The following LRCH2 variants were observed in gnomAD, a reference collection of about 807,000 sequenced individuals.
LRCH2 encodes the protein leucine rich repeats and calponin homology domain containing 2.
A neutral mutation model predicts 68.9 loss-of-function variants in LRCH2; 38 were observed. That is an observed-to-expected ratio of 0.55 (90% CI 0.43 to 0.72). The LOEUF (loss-of-function observed/expected upper bound fraction) is 0.72, where lower values mean the gene tolerates loss of function less well. Among genes scored for constraint, LRCH2 ranks in the 30% least tolerant of loss-of-function variants. LRCH2 has a pLI of 0.00. For synonymous variants in LRCH2, 191 were observed against 208.1 expected (o/e 0.92, Z 0.71); for missense variants, 528 against 572.9 (o/e 0.92, Z 0.80).
chrX:115,190,045 C>G, intron 1 of LRCH2: 1 of 1,157,760 alleles, frequency 8.6e-7, no homozygotes, highest in African/African-American at 1.8e-5. Context: ...CTGGGCCGGC[C>G]CACCCCACAA....
intron 14 of LRCH2, among the ~76,000 whole-genome samples, chrX:115,144,565 CA>C (rs59018534): frequency 1.4e-3 from 134 of 95,895 alleles, no homozygotes; most frequent in Admixed American, 1.8e-3. Context: ...TAGACTCCAC[CA>C]AAAAAAAAAA....
chrX:115,134,385 G>C (rs1486892894), intron 14 of LRCH2, among the ~76,000 whole-genome samples: 1 of 112,618 alleles, frequency 8.9e-6, no homozygotes, highest in Non-Finnish European at 1.9e-5. Flanking sequence ...AATTTTCTAT[G>C]TAGACAAAAT....
intron 14 of LRCH2, among the ~76,000 whole-genome samples, chrX:115,136,943 A>G (rs782474745): frequency 7.8e-4 from 87 of 112,105 alleles, no homozygotes; most frequent in Non-Finnish European, 1.5e-3. Context: ...ATAATTGTAC[A>G]TATTTATCAG....
chrX:115,209,957 T>C (rs1443102113), intron 1 of LRCH2, among the ~76,000 whole-genome samples: 1 of 111,415 alleles, frequency 9.0e-6, no homozygotes, highest in Non-Finnish European at 1.9e-5. Flanking sequence ...TTAGAGTATC[T>C]GGTGGAAGAA....
intron 1 of LRCH2, among the ~76,000 whole-genome samples, chrX:115,197,803 T>C (rs1556564081): frequency 1.3e-5 from 1 of 79,034 alleles, no homozygotes; most frequent in African/African-American, 4.7e-5. Context: ...CACTCCAGCC[T>C]GGGCAACAGA....
At chrX:115,141,624 G>A (rs1256404129) in intron 14 of LRCH2, among the ~76,000 whole-genome samples, 3 of 110,333 alleles carry the variant, frequency 2.7e-5, no homozygotes. Context: ...CAATGTTGGG[G>A]TGAGGCCGAG....
chrX:115,121,354 T>C (rs1380151923), intron 20 of LRCH2, among the ~76,000 whole-genome samples: 1 of 111,589 alleles, frequency 9.0e-6, no homozygotes, highest in Non-Finnish European at 1.9e-5. Context: ...GAATTAAAAA[T>C]TTAAAACATC....
chrX:115,168,389 A>T (rs1340014623), intron 6 of LRCH2, among the ~76,000 whole-genome samples: 2 of 111,698 alleles, frequency 1.8e-5, no homozygotes, highest in Non-Finnish European at 3.8e-5. Context: ...AGCCATATAC[A>T]GCCATTCCAA....
At chrX:115,179,791 G>T in intron 3 of LRCH2, 40 bp from the exon 4 acceptor site, 1 of 653,368 alleles carries the variant, frequency 1.5e-6, no homozygotes, top group East Asian at 4.6e-5. Context: ...CAAGCTAACT[G>T]AGAAATACAT....
intron 5 of LRCH2, among the ~76,000 whole-genome samples, chrX:115,172,752 A>ATTTTTTTTTTTTTT (rs35680669): frequency 1.2e-5 from 1 of 82,764 alleles, no homozygotes; most frequent in Non-Finnish European, 2.3e-5. Flanking sequence ...CTTACTTTCT[A>ATTTTTTTTTTTTTT]TTTTTTTTTT....
At chrX:115,199,553 CAAAG>C (rs1413200263) in intron 1 of LRCH2, among the ~76,000 whole-genome samples, 3 of 111,695 alleles carry the variant, frequency 2.7e-5, no homozygotes, top group Non-Finnish European at 5.6e-5. Flanking sequence ...TTAAAAAAGA[CAAAG>C]AACTTCATTC....
At chrX:115,126,931 C>A in intron 15 of LRCH2, 38 bp from the exon 16 acceptor site, 1 of 841,577 alleles carries the variant, frequency 1.2e-6, no homozygotes, top group Non-Finnish European at 1.6e-6. Flanking sequence ...GATGAAATTA[C>A]AATACAAATG....
intron 14 of LRCH2, among the ~76,000 whole-genome samples, chrX:115,140,819 G>A (rs140779965): frequency 0.011 from 1,193 of 109,181 alleles, 19 homozygotes; most frequent in African/African-American, 0.04. Flanking sequence ...CATCTTGGCC[G>A]CAGTAGAATA....
At chrX:115,131,113 C>T in intron 14 of LRCH2, among the ~76,000 whole-genome samples, 1 of 109,648 alleles carries the variant, frequency 9.1e-6, no homozygotes, top group East Asian at 2.9e-4. Context: ...TATTTGTGGT[C>T]AATTTTTTTT....
At position 115,190,383 on chromosome X, in the gene LRCH2, C is replaced by T. The variant is rs1266034139; in HGVS notation, c.350-2013G>A. 9 of 1,161,609 alleles carry T rather than the reference C, an allele frequency of 7.7e-6. No individual in the cohort carries two copies. The Admixed American group carries it at 7.8e-5, about 10-fold the overall frequency. Reference sequence around the variant, plus strand: ...GCTACGGAGGCCCATGCGGCGCTGCCCCTGTGTGGGGGACACCGCCATCTT... The same window carrying T: ...GCTACGGAGGCCCATGCGGCGCTGCTCCTGTGTGGGGGACACCGCCATCTT... On this transcript the variant is annotated intron_variant, in intron 1 of 20. Coordinates refer to ENST00000317135, the MANE Select transcript of LRCH2 (RefSeq NM_020871.4).
At chrX:115,144,917 G>GCATTCATC in intron 14 of LRCH2, among the ~76,000 whole-genome samples, 1 of 111,610 alleles carries the variant, frequency 9.0e-6, no homozygotes, top group Middle Eastern at 4.7e-3. Flanking sequence ...AATACCAATG[G>GCATTCATC]CATTCATCAC....
intron 14 of LRCH2, among the ~76,000 whole-genome samples, chrX:115,134,816 G>T (rs2072274794): frequency 8.3e-3 from 1 of 120 alleles, no homozygotes; most frequent in African/African-American, 0.033. Flanking sequence ...CAACTTTCAA[G>T]TCTTACTAAG....
intron 5 of LRCH2, among the ~76,000 whole-genome samples, chrX:115,170,888 A>G (rs1344426598): frequency 8.9e-6 from 1 of 111,917 alleles, no homozygotes; most frequent in Non-Finnish European, 1.9e-5. Context: ...AAAAATATAA[A>G]TATAGGAAAA....
At chrX:115,172,025 C>T (rs1392690547) in intron 5 of LRCH2, among the ~76,000 whole-genome samples, 1 of 111,080 alleles carries the variant, frequency 9.0e-6, no homozygotes, top group African/African-American at 3.3e-5. Flanking sequence ...CCACTTTAAA[C>T]TCTTTTAGTT....
Sources: gnomAD v4.1 joint callset for allele counts (sites outside exome capture counted in the v4.1 genomes callset) on GRCh38, gnomAD v4.1.1 for gene constraint, MANE v1.5 for transcripts, NCBI Gene and HGNC (gene_info 2026-07-23, HGNC 2026-07-21) for gene names.